DNASE1: variants seen among roughly 807,000 people sequenced by gnomAD.
DNASE1 encodes deoxyribonuclease-1.
Under a neutral mutation model 33.9 loss-of-function variants are expected in DNASE1, and 40 were observed. The observed-to-expected ratio is 1.18, with a 90% confidence interval of 0.92 to 1.54. DNASE1 has a LOEUF of 1.54. Ranked by LOEUF, DNASE1 falls within the 40% of genes most tolerant of loss-of-function variation. DNASE1 has a pLI of 0.00. For synonymous variants in DNASE1, 216 were observed against 160.0 expected (o/e 1.35, Z -2.64); for missense variants, 518 against 372.6 (o/e 1.39, Z -3.21).
At chr16:3,638,447 C>T (rs1282547522), upstream of DNASE1, among the ~76,000 whole-genome samples, 2 of 152,184 alleles carry the variant, frequency 1.3e-5, no homozygotes. Context: ...ACGCCATTCT[C>T]CTGCCTCAGC....
intron 4 of DNASE1, 146 bp downstream of exon 4, chr16:3,656,331 G>C: frequency 1.1e-6 from 1 of 897,486 alleles, no homozygotes; most frequent in Non-Finnish European, 1.8e-6. Flanking sequence ...AACACCCCAA[G>C]GTCCCGGACC....
intron 1 of DNASE1, among the ~76,000 whole-genome samples, chr16:3,620,407 C>G (rs1462900386): frequency 6.6e-6 from 1 of 150,664 alleles, no homozygotes. Flanking sequence ...GTGTGTCACC[C>G]AGGCTGGAGT....
At chr16:3,618,795 G>A (rs184408133) in intron 1 of DNASE1, among the ~76,000 whole-genome samples, 10 of 152,326 alleles carry the variant, frequency 6.6e-5, no homozygotes, top group Admixed American at 6.5e-4. Flanking sequence ...TTCAGTGCAT[G>A]AATGAACAAA....
chr16:3,613,111 C>T (rs973541031), intron 1 of DNASE1, among the ~76,000 whole-genome samples: 2 of 152,146 alleles, frequency 1.3e-5, no homozygotes, highest in Non-Finnish European at 1.5e-5. Context: ...ATCGAACCTG[C>T]CGTACCCATT....
intron 1 of DNASE1, among the ~76,000 whole-genome samples, chr16:3,625,855 T>G (rs1047225365): frequency 1.3e-4 from 20 of 151,870 alleles, no homozygotes; most frequent in Non-Finnish European, 1.5e-5. Flanking sequence ...ATCCCAACAC[T>G]TCAGGAGGCC....
At chr16:3,663,715 C>G in exon 10 of DNASE1, 3 of 862,492 alleles carry the variant, frequency 3.5e-6, no homozygotes, top group Non-Finnish European at 5.2e-6. Context: ...ATGACAGTTA[C>G]TACGACACCT....
At chr16:3,617,509 A>C (rs1203855815) in intron 1 of DNASE1, among the ~76,000 whole-genome samples, 1 of 152,114 alleles carries the variant, frequency 6.6e-6, no homozygotes, top group African/African-American at 2.4e-5. Flanking sequence ...TGAGAAGACA[A>C]CCCACAGAAT....
intron 1 of DNASE1, among the ~76,000 whole-genome samples, chr16:3,626,606 G>T (rs1023320670): frequency 6.6e-6 from 1 of 152,146 alleles, no homozygotes; most frequent in African/African-American, 2.4e-5. Context: ...ATATTTCTCT[G>T]TTGTTAGGTG....
At chr16:3,621,358 G>C (rs556919443) in intron 1 of DNASE1, among the ~76,000 whole-genome samples, 1 of 152,260 alleles carries the variant, frequency 6.6e-6, no homozygotes, top group East Asian at 1.9e-4. Flanking sequence ...TGGGTTTACA[G>C]GTATGAGCCA....
chr16:3,663,863 G>C (rs921155917), exon 10 of DNASE1: 1 of 402,650 alleles, frequency 2.5e-6, no homozygotes, highest in African/African-American at 2.0e-5. Context: ...CATGAGGTCA[G>C]GAGTTCGAGA....
intron 1 of DNASE1, among the ~76,000 whole-genome samples, chr16:3,620,207 C>G (rs565983743): frequency 6.6e-6 from 1 of 152,146 alleles, no homozygotes; most frequent in East Asian, 1.9e-4. Flanking sequence ...TGAGCCACCT[C>G]GCCAGGCCTG....
chr16:3,648,838 T>A (rs1596624640), intron 1 of DNASE1, among the ~76,000 whole-genome samples: 1 of 152,370 alleles, frequency 6.6e-6, no homozygotes, highest in Non-Finnish European at 1.5e-5. Context: ...CTAAGGTCCA[T>A]ACATTTTGTT....
At chr16:3,627,937 CAAAAAAAAAA>C (rs55920324) in intron 1 of DNASE1, among the ~76,000 whole-genome samples, 3,446 of 80,478 alleles carry the variant, frequency 0.043, 73 homozygotes, top group Non-Finnish European at 0.057. Context: ...TCTATTTCTG[CAAAAAAAAAA>C]AAAAAAAAAA....
At chr16:3,633,048 G>C (rs913451621) in intron 1 of DNASE1, among the ~76,000 whole-genome samples, 9 of 152,068 alleles carry the variant, frequency 5.9e-5, no homozygotes, top group Non-Finnish European at 1.0e-4. Flanking sequence ...CCCAACACAT[G>C]CTTGGGTCTT....
chr16:3,618,625 A>C (rs1013833912), intron 1 of DNASE1, among the ~76,000 whole-genome samples: 10 of 152,178 alleles, frequency 6.6e-5, no homozygotes, highest in Non-Finnish European at 1.5e-4. Flanking sequence ...ACTACTCGGG[A>C]GGCTGAGGCA....
At chr16:3,656,077 G>T (rs769817672) in intron 3 of DNASE1, 25 bp from the exon 4 acceptor site, 1 of 1,613,676 alleles carries the variant, frequency 6.2e-7, no homozygotes, top group Non-Finnish European at 8.5e-7. Context: ...CCCCGCCACT[G>T]GGACCTTTTG....
rs200404670 is a variant in DNASE1, at chr16:3,655,490, C to A, written c.117C>A (p.Ser39=). The A allele has an allele frequency of 1.2e-6, 2 of 1,614,142 alleles. No homozygotes were observed. The highest frequency in any genetic ancestry group is 2.7e-5 in the African/African-American group (2 of 75,056). The change falls in exon 2 of 9, where the codon TCC becomes TCA. Residue 39 remains serine, a synonymous_variant. Coordinates refer to ENST00000246949, the MANE Select transcript of DNASE1 (RefSeq NM_005223.4). The part of the protein sequence containing the change: ...NIQTFGETKM[S]NATLVSYIVQ... ...AGACATTTGGGGAGACCAAGATGTC[C>A]AATGCCACCCTCGTCAGCTACATTG...
At position 3,657,717 on chromosome 16, in the gene DNASE1, CAGGATCGTGG is replaced by C. The variant is rs768937016; in HGVS notation, c.705-2_712del. 1.2e-6 allele frequency: 2 copies of C among 1,613,902 alleles called. No homozygotes were observed. The highest frequency in any genetic ancestry group is 1.3e-5 in the African/African-American group (1 of 74,926). ...CCTACTTTCTCTTCCCAACACCCATCAGGATCGTGGTTGCAGGGATGCTGCTCCGAGGCGC... is the reference window on the plus strand; with the variant it reads ...CCTACTTTCTCTTCCCAACACCCATCTTGCAGGGATGCTGCTCCGAGGCGC... On this transcript the variant is annotated splice_acceptor_variant and coding_sequence_variant, in exon 8 of 9. Coordinates refer to ENST00000246949, the MANE Select transcript of DNASE1 (RefSeq NM_005223.4). LOFTEE classifies it high-confidence loss of function.
intron 1 of DNASE1, among the ~76,000 whole-genome samples, chr16:3,615,903 T>G (rs1158397777): frequency 6.6e-6 from 1 of 152,206 alleles, no homozygotes; most frequent in Non-Finnish European, 1.5e-5. Flanking sequence ...GTGGTTTGAT[T>G]ATAAATGGTA....
Sources: allele counts gnomAD v4.1 joint callset (sites outside exome capture counted in the v4.1 genomes callset), GRCh38; gene constraint gnomAD v4.1.1; transcripts MANE v1.5; gene names NCBI Gene and HGNC (gene_info 2026-07-23, HGNC 2026-07-21).